The following ZNF644 variants were observed in gnomAD, a reference collection of about 807,000 sequenced individuals.
ZNF644 encodes zinc finger protein 644, also known as zinc finger motif enhancer binding protein 2.
ZNF644 carries 20 observed loss-of-function variants against 108.0 expected under a neutral mutation model. The ratio of observed to expected loss-of-function variants is 0.19; its 90% CI spans 0.13 to 0.27. ZNF644 has a LOEUF of 0.27. Among genes scored for constraint, ZNF644 ranks in the 10% least tolerant of loss-of-function variants. The pLI, the probability that ZNF644 is intolerant of heterozygous loss-of-function variation, is 1.00. For synonymous variants in ZNF644, 542 were observed against 539.1 expected, an observed-to-expected ratio of 1.01 and a Z score of -0.08; for missense variants, 1,338 against 1,548.9, an observed-to-expected ratio of 0.86 and a Z score of 2.29.
chr1:90,930,967 T>A (rs1228945936), intron 4 of ZNF644, among the ~76,000 whole-genome samples: 4 of 152,176 alleles, frequency 2.6e-5, no homozygotes, highest in Non-Finnish European at 5.9e-5. Context: ...TGATTGCAGA[T>A]TAGGTTGATA....
intron 2 of ZNF644, among the ~76,000 whole-genome samples, chr1:90,951,771 A>C (rs1653198264): frequency 6.6e-6 from 1 of 152,144 alleles, no homozygotes; most frequent in Non-Finnish European, 1.5e-5. Flanking sequence ...CCCTCCTCTA[A>C]TACTAAGTTT....
intron 2 of ZNF644, among the ~76,000 whole-genome samples, chr1:90,981,733 G>T (rs1264684451): frequency 6.6e-6 from 1 of 151,990 alleles, no homozygotes; most frequent in Non-Finnish European, 1.5e-5. Flanking sequence ...AACAGCCTTA[G>T]AAAGCTAATC....
chr1:91,007,459 C>T (rs377106091), intron 1 of ZNF644, among the ~76,000 whole-genome samples: 49 of 151,978 alleles, frequency 3.2e-4, no homozygotes, highest in African/African-American at 1.2e-3. Flanking sequence ...GGTGATCCGC[C>T]CACCTCGACC....
intron 1 of ZNF644, among the ~76,000 whole-genome samples, chr1:90,986,087 T>C (rs1657064689): frequency 6.6e-6 from 1 of 151,958 alleles, no homozygotes; most frequent in Admixed American, 6.6e-5. Flanking sequence ...CTTATATAAG[T>C]GGGAGGGGGT....
At chr1:90,932,298 G>A (rs1056273772) in intron 4 of ZNF644, among the ~76,000 whole-genome samples, 18 of 152,170 alleles carry the variant, frequency 1.2e-4, no homozygotes, top group African/African-American at 4.1e-4. Context: ...TAGTCTGAGG[G>A]TATCTAAGCT....
At chr1:91,001,189 G>A (rs1658744612) in intron 1 of ZNF644, among the ~76,000 whole-genome samples, 1 of 152,150 alleles carries the variant, frequency 6.6e-6, no homozygotes, top group Non-Finnish European at 1.5e-5. Context: ...ATTTTATGAG[G>A]CCAGCATCAT....
At chr1:90,990,563 G>A (rs978871574) in intron 1 of ZNF644, among the ~76,000 whole-genome samples, 19 of 152,168 alleles carry the variant, frequency 1.2e-4, no homozygotes, top group Admixed American at 2.6e-4. Context: ...TGCAGAATCT[G>A]GTGGTAATCC....
Position 90,977,541 on chromosome 1 carries a change from C to A in ZNF644, c.44+4769G>T, listed in dbSNP as rs899304695. Among the ~76,000 whole-genome samples, 6 of 152,154 alleles carry A rather than the reference C, an allele frequency of 3.9e-5. No homozygotes were observed. The East Asian group carries it at 1.2e-3, about 29-fold the overall frequency. On this transcript the variant is annotated intron_variant, in intron 2 of 5. Coordinates refer to ENST00000337393, the MANE Select transcript of ZNF644 (RefSeq NM_201269.3). ...AGCACTCTCACAATTTAAAAAATGC[C>A]CAGTAAAATAAATACCACTTTCCAC...
intron 4 of ZNF644, among the ~76,000 whole-genome samples, chr1:90,923,353 G>GA (rs1171762602): frequency 5.4e-5 from 8 of 149,068 alleles, no homozygotes; most frequent in East Asian, 2.0e-4. Flanking sequence ...TTCAAAAAAG[G>GA]AAAAAAAAAG....
At chr1:91,009,026 G>A (rs1295206756) in intron 1 of ZNF644, among the ~76,000 whole-genome samples, 1 of 152,114 alleles carries the variant, frequency 6.6e-6, no homozygotes, top group Non-Finnish European at 1.5e-5. Context: ...TTGAGCCCAA[G>A]AGTTCAAGAC....
rs144233821 is a variant in ZNF644, at chr1:91,000,574, C to T, written c.-17-18204G>A. On this transcript the variant is annotated intron_variant, in intron 1 of 5. Coordinates refer to ENST00000337393, the MANE Select transcript of ZNF644 (RefSeq NM_201269.3). ...GGAAATTTATAGCACTAAATGCCCA[C>T]AAGAGGAAGCAGGAAAGATCTAAAA... Among the ~76,000 whole-genome samples, 903 of 152,174 alleles carry T rather than the reference C, an allele frequency of 5.9e-3. 24 individuals are homozygous for T. Among genetic ancestry groups the T allele is most frequent in the Admixed American group, 0.044 (677 of 15,288 alleles).
intron 2 of ZNF644, among the ~76,000 whole-genome samples, chr1:90,960,662 A>T (rs1461141235): frequency 1.3e-5 from 2 of 152,108 alleles, no homozygotes; most frequent in Non-Finnish European, 2.9e-5. Context: ...GACCCTCTCC[A>T]AACTACTCAA....
At position 90,915,841 on chromosome 1, in the gene ZNF644, G is replaced by A. The variant is rs1183421052; in HGVS notation, c.*957C>T. 6.6e-6 allele frequency: 1 copy of A among 152,536 alleles called. No homozygotes were observed. The highest frequency in any genetic ancestry group is 2.4e-5 in the African/African-American group (1 of 41,432). 9.4% of individuals were successfully genotyped at this position (152,536 alleles called of 1,614,324 possible). On this transcript the variant is annotated 3_prime_UTR_variant, in exon 6 of 6. Coordinates refer to ENST00000337393, the MANE Select transcript of ZNF644 (RefSeq NM_201269.3). ...ATCAAATTTGGAAGATAATATAAAT[G>A]AGAACGTCTATTCTAAACTGTGTAG...
At chr1:90,971,912 T>C (rs534069997) in intron 2 of ZNF644, among the ~76,000 whole-genome samples, 1 of 152,190 alleles carries the variant, frequency 6.6e-6, no homozygotes, top group African/African-American at 2.4e-5. Flanking sequence ...CTTCTCATTA[T>C]TCTTATATTC....
chr1:90,934,559 T>G (rs1244701326), intron 4 of ZNF644, among the ~76,000 whole-genome samples: 2 of 152,164 alleles, frequency 1.3e-5, no homozygotes, highest in Non-Finnish European at 2.9e-5. Context: ...AAGCATTTTG[T>G]AGGTTATAAG....
intron 2 of ZNF644, among the ~76,000 whole-genome samples, chr1:90,967,339 C>T (rs557589742): frequency 4.2e-4 from 64 of 152,226 alleles, no homozygotes; most frequent in Non-Finnish European, 7.6e-4. Flanking sequence ...AAGCTCTCCT[C>T]AACCCACTCT....
intron 1 of ZNF644, among the ~76,000 whole-genome samples, chr1:91,013,837 T>C (rs1181354378): frequency 6.6e-6 from 1 of 152,124 alleles, no homozygotes; most frequent in Non-Finnish European, 1.5e-5. Flanking sequence ...AAAGAAAAAA[T>C]GTAAAATAGT....
intron 2 of ZNF644, among the ~76,000 whole-genome samples, chr1:90,970,613 A>G (rs556032036): frequency 2.0e-5 from 3 of 152,196 alleles, no homozygotes; most frequent in Non-Finnish European, 2.9e-5. Context: ...GTGTGTGCGA[A>G]TATCTCCTTT....
intron 2 of ZNF644, among the ~76,000 whole-genome samples, chr1:90,954,982 A>G (rs533927477): frequency 1.2e-4 from 19 of 152,336 alleles, no homozygotes; most frequent in Non-Finnish European, 2.2e-4. Context: ...AGCCTTATGA[A>G]ATGTACTTAG....
Sources: allele counts gnomAD v4.1 joint callset (sites outside exome capture counted in the v4.1 genomes callset), GRCh38; gene constraint gnomAD v4.1.1; transcripts MANE v1.5; gene names NCBI Gene and HGNC (gene_info 2026-07-23, HGNC 2026-07-21).